TECRL: variants seen among roughly 807,000 people sequenced by gnomAD.
The protein encoded by TECRL is trans-2,3-enoyl-CoA reductase like, also known as trans-2,3-enoyl-CoA reductase-like.
Under a neutral mutation model 52.8 loss-of-function variants are expected in TECRL, and 63 were observed. The observed-to-expected ratio is 1.19, with a 90% CI of 0.97 to 1.47. TECRL has a LOEUF of 1.47. Ranked by LOEUF, TECRL falls within the 40% of genes most tolerant of loss-of-function variation. TECRL has a pLI of 0.00. For missense variants in TECRL, 482 were observed against 429.6 expected, an observed-to-expected ratio of 1.12 and a Z score of -1.08; for synonymous variants, 164 against 141.9, an observed-to-expected ratio of 1.16 and a Z score of -1.10.
At position 64,289,767 on chromosome 4, in the gene TECRL, T is replaced by C. The variant is rs778995351; in HGVS notation, c.775A>G (p.Ile259Val). 2.6e-6 allele frequency: 4 copies of C among 1,547,610 alleles called. No individual in the cohort carries two copies. In the South Asian group the frequency reaches 3.9e-5, roughly 15 times the overall value. The change falls in exon 9 of 12, where the codon ATT (isoleucine) becomes GTT (valine). Residue 259 changes from isoleucine (I) to valine (V), a missense_variant and splice_region_variant. By Grantham distance (29) the Ile-to-Val change is conservative. Transcript: ENST00000381210. ...QITVSAINFL[I>V]CEAGNHFINV... is the part of the protein sequence containing the mutation. ...ATGAAATGATTCCCAGCTTCACAAA[T>C]CTGCAAAACATTTTAAACACTTTCA...
intron 2 of TECRL, among the ~76,000 whole-genome samples, chr4:64,345,000 C>T (rs575790425): frequency 6.6e-6 from 1 of 152,234 alleles, no homozygotes; most frequent in Non-Finnish European, 1.5e-5. Context: ...ATCAAAACCA[C>T]AATGAGATAC....
chr4:64,399,620 C>T (rs1195522916), intron 1 of TECRL, among the ~76,000 whole-genome samples: 2 of 152,124 alleles, frequency 1.3e-5, no homozygotes, highest in Non-Finnish European at 2.9e-5. Context: ...CTTGCCTAGA[C>T]CCAGGACACT....
chr4:64,301,852 A>C (rs1724041121), intron 7 of TECRL, among the ~76,000 whole-genome samples: 1 of 151,270 alleles, frequency 6.6e-6, no homozygotes, highest in African/African-American at 2.4e-5. Flanking sequence ...GAAGAGTCTA[A>C]TATTTTTCAT....
chr4:64,372,577 C>T (rs182605798), intron 2 of TECRL, among the ~76,000 whole-genome samples: 1 of 151,584 alleles, frequency 6.6e-6, no homozygotes, highest in African/African-American at 2.4e-5. Context: ...ATAGAAAAGA[C>T]ATATTACAGT....
intron 2 of TECRL, among the ~76,000 whole-genome samples, chr4:64,366,944 T>C (rs571458485): frequency 6.6e-6 from 1 of 152,232 alleles, no homozygotes; most frequent in African/African-American, 2.4e-5. Flanking sequence ...TCATGTTCAC[T>C]GCAGCACTAT....
At chr4:64,364,503 AG>A (rs1246212496) in intron 2 of TECRL, among the ~76,000 whole-genome samples, 2 of 152,064 alleles carry the variant, frequency 1.3e-5, no homozygotes, top group Non-Finnish European at 2.9e-5. Flanking sequence ...TAAGATTGAT[AG>A]ATGGCTAGCT....
At chr4:64,366,718 A>G (rs1721621058) in intron 2 of TECRL, among the ~76,000 whole-genome samples, 1 of 152,164 alleles carries the variant, frequency 6.6e-6, no homozygotes, top group Non-Finnish European at 1.5e-5. Context: ...CACACCAGTC[A>G]AAATGGCTAT....
chr4:64,314,168 T>C (rs1717300734), intron 5 of TECRL, among the ~76,000 whole-genome samples: 1 of 151,188 alleles, frequency 6.6e-6, no homozygotes, highest in Non-Finnish European at 1.5e-5. Context: ...ATACCAATAA[T>C]AAAATAAAAT....
At chr4:64,287,600 A>G (rs1428451173) in intron 9 of TECRL, among the ~76,000 whole-genome samples, 1 of 152,044 alleles carries the variant, frequency 6.6e-6, no homozygotes, top group African/African-American at 2.4e-5. Flanking sequence ...AATAATGGAG[A>G]CTCTGTAAAC....
chr4:64,306,077 G>A (rs956646351), intron 6 of TECRL, among the ~76,000 whole-genome samples: 1 of 152,148 alleles, frequency 6.6e-6, no homozygotes, highest in African/African-American at 2.4e-5. Context: ...ATCATGGGAA[G>A]GGTGAGTAAG....
chr4:64,335,283 T>G (rs1718976919), intron 2 of TECRL, among the ~76,000 whole-genome samples: 1 of 152,112 alleles, frequency 6.6e-6, no homozygotes, highest in African/African-American at 2.4e-5. Flanking sequence ...TAGATTCTCA[T>G]AGCAGCACCT....
intron 10 of TECRL, 67 bp downstream of exon 10, chr4:64,281,407 T>TAC: frequency 1.1e-6 from 1 of 938,984 alleles, no homozygotes. Context: ...TACATGTAAA[T>TAC]ACATAAGCAC....
intron 2 of TECRL, among the ~76,000 whole-genome samples, chr4:64,352,027 A>T (rs943639756): frequency 2.6e-5 from 4 of 152,174 alleles, no homozygotes; most frequent in Non-Finnish European, 5.9e-5. Context: ...ACTAATATTG[A>T]TTGCCATATC....
rs557249486 is a variant in TECRL, at chr4:64,399,517, T to C, written c.234+9601A>G. On this transcript the variant is annotated intron_variant, in intron 1 of 11. Transcript: ENST00000381210. Reference sequence around the variant, plus strand: ...CAATGAGAAAAAGGCCTGGAAGGCATCTCAAATATCTAAGAGGCAGCCCCT... The same window carrying C: ...CAATGAGAAAAAGGCCTGGAAGGCACCTCAAATATCTAAGAGGCAGCCCCT... Among the ~76,000 whole-genome samples the C allele has an allele frequency of 1.1e-4, 17 of 152,190 alleles. No individual in the cohort carries two copies. In the East Asian group the frequency reaches 1.2e-3, roughly 10 times the overall value.
intron 1 of TECRL, among the ~76,000 whole-genome samples, chr4:64,381,886 C>CGTGTGTGTGGGGGGATGT (rs1425524321): frequency 2.0e-5 from 3 of 151,610 alleles, no homozygotes; most frequent in Admixed American, 1.3e-4. Flanking sequence ...CGCAAGTGCA[C>CGTGTGTGTGGGGGGATGT]GTGTGTGTGG....
At chr4:64,290,326 A>G (rs1723310803) in intron 8 of TECRL, among the ~76,000 whole-genome samples, 1 of 152,048 alleles carries the variant, frequency 6.6e-6, no homozygotes, top group Non-Finnish European at 1.5e-5. Context: ...TGTCCCTCCA[A>G]GATCAAAGGC....
intron 7 of TECRL, 62 bp downstream of exon 7, chr4:64,305,104 T>C: frequency 8.4e-7 from 1 of 1,194,440 alleles, no homozygotes; most frequent in East Asian, 2.4e-5. Flanking sequence ...GTATGTCATT[T>C]AGAATAGAGT....
intron 8 of TECRL, 66 bp downstream of exon 8, chr4:64,299,908 C>A: frequency 1.2e-6 from 1 of 807,196 alleles, no homozygotes; most frequent in South Asian, 2.3e-5. Flanking sequence ...TCTTCAGATA[C>A]AGTCTGTTTT....
At chr4:64,331,714 T>C (rs73821110) in intron 2 of TECRL, among the ~76,000 whole-genome samples, 32,026 of 152,028 alleles carry the variant, frequency 0.21, 3,538 homozygotes, top group East Asian at 0.3. Flanking sequence ...TAAAACCTTT[T>C]GTACCTTATG....
Sources: gnomAD v4.1 joint callset for allele counts (sites outside exome capture counted in the v4.1 genomes callset) on GRCh38, gnomAD v4.1.1 for gene constraint, MANE v1.5 for transcripts, NCBI Gene and HGNC (gene_info 2026-07-23, HGNC 2026-07-21) for gene names.